XCR1: variants seen among roughly 807,000 people sequenced by gnomAD.
The protein encoded by XCR1 is X-C motif chemokine receptor 1.
For synonymous variants in XCR1, 187 were observed against 188.5 expected (o/e 0.99, Z 0.06); for missense variants, 356 against 424.2 (o/e 0.84, Z 1.41).
chr3:46,060,903 A>G (rs1454763826), intron 4 of XCR1, among the ~76,000 whole-genome samples: 1 of 152,186 alleles, frequency 6.6e-6, no homozygotes. Context: ...CTTCAGGATG[A>G]TGGGGAATAT....
intron 5 of XCR1, among the ~76,000 whole-genome samples, chr3:46,053,624 C>A (rs1015633796): frequency 6.7e-6 from 1 of 149,420 alleles, no homozygotes; most frequent in African/African-American, 2.5e-5. Context: ...TGAAGAATAA[C>A]TTTAAAACCT....
chr3:46,075,639 A>G (rs561691049), intron 2 of XCR1, among the ~76,000 whole-genome samples: 1 of 152,332 alleles, frequency 6.6e-6, no homozygotes, highest in East Asian at 1.9e-4. Flanking sequence ...CAAATAGCTC[A>G]TGTCTAAAAT....
chr3:46,056,092 T>C (rs1442831581), intron 4 of XCR1, among the ~76,000 whole-genome samples: 1 of 152,186 alleles, frequency 6.6e-6, no homozygotes, highest in Non-Finnish European at 1.5e-5. Flanking sequence ...CTTGACTCCT[T>C]AGGCTGGCTG....
intron 2 of XCR1, among the ~76,000 whole-genome samples, chr3:46,075,234 G>C (rs372395375): frequency 6.7e-6 from 1 of 149,850 alleles, no homozygotes; most frequent in African/African-American, 2.5e-5. Flanking sequence ...TTTGACAGTG[G>C]TGCCAAAGCA....
At chr3:46,057,548 G>C (rs1697874320) in intron 4 of XCR1, among the ~76,000 whole-genome samples, 1 of 152,102 alleles carries the variant, frequency 6.6e-6, no homozygotes, top group Non-Finnish European at 1.5e-5. Flanking sequence ...TCTAGGCTAG[G>C]CTGTATTCCA....
chr3:46,079,308 C>G (rs1178915271), intron 1 of XCR1, among the ~76,000 whole-genome samples: 3 of 151,950 alleles, frequency 2.0e-5, no homozygotes, highest in African/African-American at 7.3e-5. Flanking sequence ...TTGAAATGCC[C>G]AAAATGATTC....
intron 5 of XCR1, among the ~76,000 whole-genome samples, chr3:46,048,368 CAG>C (rs1215651626): frequency 2.0e-5 from 3 of 152,186 alleles, no homozygotes; most frequent in African/African-American, 4.8e-5. Flanking sequence ...AACATGGAAT[CAG>C]GGGTTTTTGC....
At chr3:46,031,244 G>A (rs1446221523), upstream of XCR1, among the ~76,000 whole-genome samples, 1 of 152,222 alleles carries the variant, frequency 6.6e-6, no homozygotes, top group Non-Finnish European at 1.5e-5. Context: ...CCACCCTGCT[G>A]TAGCTATGGA....
intron 1 of XCR1, chr3:46,023,339 G>A (rs977221663): frequency 1.5e-6 from 2 of 1,301,680 alleles, no homozygotes; most frequent in Admixed American, 1.8e-5. Context: ...CATCAGCAGA[G>A]CAGACGAGCC....
chr3:46,068,916 A>G (rs1429723007), intron 3 of XCR1, among the ~76,000 whole-genome samples: 1 of 152,226 alleles, frequency 6.6e-6, no homozygotes, highest in Non-Finnish European at 1.5e-5. Context: ...AGCTGAAAAG[A>G]ACAGTATAGT....
chr3:46,075,640 T>C (rs112036042), intron 2 of XCR1, among the ~76,000 whole-genome samples: 1 of 152,140 alleles, frequency 6.6e-6, no homozygotes. Flanking sequence ...AAATAGCTCA[T>C]GTCTAAAATA....
At chr3:46,032,584 G>C (rs72899100) in intron 5 of XCR1, among the ~76,000 whole-genome samples, 15,442 of 152,222 alleles carry the variant, frequency 0.1, 2,656 homozygotes, top group African/African-American at 0.35. Flanking sequence ...TAAGCCCAGT[G>C]GGCCTGAGGA....
rs191525644 is a variant in XCR1 at position 46,053,962 on chromosome 3, G to A, written c.-74C>T. Among the ~76,000 whole-genome samples the A allele has an allele frequency of 1.0e-3, 154 of 149,492 alleles. 4 individuals are homozygous for A. The highest frequency in any genetic ancestry group is 3.7e-3 in the African/African-American group (143 of 39,062). ...CTGGCAGACTCATCCCGGGCTCCCT[G>A]TTCGCCTTGTCAGTTTCAGTTCCTC... On this transcript the variant is annotated 5_prime_UTR_variant, in exon 5 of 6. Transcript: ENST00000683768.
intron 4 of XCR1, among the ~76,000 whole-genome samples, chr3:46,065,465 C>A (rs1157326083): frequency 6.6e-6 from 1 of 152,230 alleles, no homozygotes; most frequent in East Asian, 1.9e-4. Context: ...CTACAACAAG[C>A]TCCGGCAGCT....
At chr3:46,033,199 C>T (rs764724647) in intron 5 of XCR1, among the ~76,000 whole-genome samples, 2 of 151,634 alleles carry the variant, frequency 1.3e-5, no homozygotes, top group Non-Finnish European at 2.9e-5. Context: ...GGGGTCCTAC[C>T]TAGGTATCAG....
chr3:46,035,352 ATC>A (rs772967085), intron 5 of XCR1, among the ~76,000 whole-genome samples: 17 of 152,336 alleles, frequency 1.1e-4, no homozygotes, highest in Non-Finnish European at 2.4e-4. Flanking sequence ...CTAAGCTCCT[ATC>A]TCCTCAGTTG....
At chr3:46,023,829 G>C in intron 1 of XCR1, 1 of 1,528,862 alleles carries the variant, frequency 6.5e-7, no homozygotes, top group Non-Finnish European at 9.0e-7. Context: ...TTGCAGATTT[G>C]AAGAGACGTG....
At chr3:46,075,981 A>G (rs1698253184) in intron 2 of XCR1, among the ~76,000 whole-genome samples, 1 of 152,224 alleles carries the variant, frequency 6.6e-6, no homozygotes, top group African/African-American at 2.4e-5. Flanking sequence ...TGGCATAGCC[A>G]CTCTGAAAAG....
chr3:46,043,026 ATC>A (rs386660693), intron 5 of XCR1, among the ~76,000 whole-genome samples: 12 of 152,212 alleles, frequency 7.9e-5, no homozygotes, highest in African/African-American at 2.9e-4. Flanking sequence ...ATATAAAAAA[ATC>A]AATAATGTAA....
Sources: allele counts gnomAD v4.1 joint callset (sites outside exome capture counted in the v4.1 genomes callset), GRCh38; gene constraint gnomAD v4.1.1; transcripts MANE v1.5; gene names NCBI Gene and HGNC (gene_info 2026-07-23, HGNC 2026-07-21).